FER: variants seen among roughly 807,000 people sequenced by gnomAD.
FER encodes FER tyrosine kinase.
Under a neutral mutation model 111.0 loss-of-function variants are expected in FER, and 63 were observed. The ratio of observed to expected loss-of-function variants is 0.57; its 90% confidence interval spans 0.46 to 0.70. The LOEUF is 0.70. Among genes scored for constraint, FER ranks in the 30% least tolerant of loss-of-function variants. The pLI, the probability that FER is intolerant of heterozygous loss-of-function variation, is 0.00. For synonymous variants in FER, 327 were observed against 313.9 expected, an observed-to-expected ratio of 1.04 and a Z score of -0.44; for missense variants, 914 against 954.0, an observed-to-expected ratio of 0.96 and a Z score of 0.55.
intron 10 of FER, among the ~76,000 whole-genome samples, chr5:108,945,680 T>C (rs1444088931): frequency 6.6e-6 from 1 of 151,776 alleles, no homozygotes; most frequent in Non-Finnish European, 1.5e-5. Context: ...TTAAAAAATG[T>C]GTTCCATATA....
At chr5:108,916,248 A>G (rs921606803) in intron 10 of FER, among the ~76,000 whole-genome samples, 6 of 152,214 alleles carry the variant, frequency 3.9e-5, no homozygotes, top group Non-Finnish European at 8.8e-5. Flanking sequence ...TGTGGTTCAG[A>G]TACTTAGGAA....
intron 10 of FER, among the ~76,000 whole-genome samples, chr5:108,934,907 T>C (rs1478363262): frequency 6.6e-6 from 1 of 152,018 alleles, no homozygotes; most frequent in East Asian, 1.9e-4. Flanking sequence ...GATTAACAAA[T>C]GCATATATCT....
At chr5:108,845,133 T>TA (rs1468788774) in intron 5 of FER, among the ~76,000 whole-genome samples, 1 of 143,202 alleles carries the variant, frequency 7.0e-6, no homozygotes, top group African/African-American at 2.5e-5. Context: ...CCTATGGACT[T>TA]ACTGAACTTG....
chr5:108,835,639 G>T, intron 4 of FER, 69 bp from the exon 5 acceptor site: 1 of 1,010,040 alleles, frequency 9.9e-7, no homozygotes, highest in Non-Finnish European at 1.5e-6. Flanking sequence ...TAATACTTTG[G>T]AATTTAAGTT....
rs372208522 is a variant in FER, at chr5:109,172,211, A to G, written c.2049-8536A>G. ...TATGCTTATTGCGGCACTATTCACA[A>G]TAGCAAAGACTTGGAACCAACCCAA... On this transcript the variant is annotated intron_variant, in intron 17 of 19. Coordinates refer to ENST00000281092, the MANE Select transcript of FER (RefSeq NM_005246.4). Among the ~76,000 whole-genome samples, 269 of 152,016 alleles carry G rather than the reference A, an allele frequency of 1.8e-3. 6 individuals are homozygous for G. In the East Asian group the frequency reaches 0.048, roughly 27 times the overall value.
chr5:109,068,837 G>T (rs896534824), intron 16 of FER, among the ~76,000 whole-genome samples: 3 of 152,152 alleles, frequency 2.0e-5, no homozygotes, highest in African/African-American at 4.8e-5. Flanking sequence ...TCTGGGCTGA[G>T]AAGTAACATT....
chr5:108,803,333 TG>T (rs1199996577), intron 3 of FER, among the ~76,000 whole-genome samples: 1 of 152,214 alleles, frequency 6.6e-6, no homozygotes, highest in African/African-American at 2.4e-5. Flanking sequence ...CTCTTTAGTT[TG>T]ATTAAGTCCC....
At chr5:109,073,496 G>A (rs933190113) in intron 16 of FER, among the ~76,000 whole-genome samples, 25 of 151,994 alleles carry the variant, frequency 1.6e-4, no homozygotes, top group African/African-American at 4.4e-4. Flanking sequence ...CTAAGGGGCC[G>A]GTATCTGCAC....
At chr5:108,992,613 G>A (rs1214528707) in intron 13 of FER, among the ~76,000 whole-genome samples, 12 of 148,328 alleles carry the variant, frequency 8.1e-5, no homozygotes, top group Non-Finnish European at 1.2e-4. Context: ...CAGATGGGGC[G>A]GCTGGCCGGG....
chr5:108,922,346 G>A (rs1035886436), intron 10 of FER, among the ~76,000 whole-genome samples: 9 of 152,134 alleles, frequency 5.9e-5, no homozygotes, highest in Admixed American at 5.9e-4. Flanking sequence ...TGAAAGAGGA[G>A]GGTCTTCCTA....
At chr5:108,920,799 T>C (rs879881414) in intron 10 of FER, among the ~76,000 whole-genome samples, 2 of 152,176 alleles carry the variant, frequency 1.3e-5, no homozygotes, top group African/African-American at 4.8e-5. Context: ...TGAGATTTTA[T>C]ATTTCTCCTG....
At chr5:108,919,887 A>G (rs1752800089) in intron 10 of FER, among the ~76,000 whole-genome samples, 1 of 152,142 alleles carries the variant, frequency 6.6e-6, no homozygotes, top group East Asian at 1.9e-4. Context: ...CTGAGATAAG[A>G]TTCCTTACTG....
chr5:109,106,936 G>A (rs1018012513), intron 17 of FER, among the ~76,000 whole-genome samples: 2 of 152,194 alleles, frequency 1.3e-5, no homozygotes, highest in African/African-American at 4.8e-5. Context: ...TCAGAGGACA[G>A]TAGTTAACTA....
intron 13 of FER, among the ~76,000 whole-genome samples, chr5:109,013,579 C>T (rs528868716): frequency 6.7e-6 from 1 of 149,862 alleles, no homozygotes; most frequent in African/African-American, 2.5e-5. Context: ...ATTTATAGTC[C>T]TTTGGGTATA....
intron 14 of FER, among the ~76,000 whole-genome samples, chr5:109,040,106 G>A (rs72790574): frequency 0.097 from 14,770 of 152,132 alleles, 913 homozygotes; most frequent in Non-Finnish European, 0.14. Flanking sequence ...TTCAGGGAAC[G>A]AGAAGAGGTG....
intron 9 of FER, among the ~76,000 whole-genome samples, chr5:108,887,522 T>TA (rs1747364845): frequency 6.6e-6 from 1 of 151,614 alleles, no homozygotes; most frequent in Admixed American, 6.6e-5. Context: ...GAATTTTATT[T>TA]AAAAAATATA....
intron 10 of FER, among the ~76,000 whole-genome samples, chr5:108,930,830 G>T (rs114553144): frequency 0.12 from 18,849 of 151,034 alleles, 1,233 homozygotes; most frequent in Middle Eastern, 0.17. Context: ...CCCAGACTGG[G>T]CTCGAACTCC....
chr5:109,003,518 A>T (rs1043632343), intron 13 of FER, among the ~76,000 whole-genome samples: 3 of 152,188 alleles, frequency 2.0e-5, no homozygotes. Flanking sequence ...CTAATGCTAA[A>T]TGACGAGTTT....
At chr5:108,883,316 A>T in intron 8 of FER, 80 bp from the exon 9 acceptor site, 1 of 1,334,982 alleles carries the variant, frequency 7.5e-7, no homozygotes, top group Non-Finnish European at 1.0e-6. Flanking sequence ...ATTGCAACAT[A>T]AGATGTATGA....
Sources: allele counts gnomAD v4.1 joint callset (sites outside exome capture counted in the v4.1 genomes callset), GRCh38; gene constraint gnomAD v4.1.1; transcripts MANE v1.5; gene names NCBI Gene and HGNC (gene_info 2026-07-23, HGNC 2026-07-21).